TTLL11: variants seen among roughly 807,000 people sequenced by gnomAD.
TTLL11 encodes the protein tubulin polyglutamylase TTLL11.
Under a neutral mutation model 51.7 loss-of-function variants are expected in TTLL11, and 42 were observed. The ratio of observed to expected loss-of-function variants is 0.81; its 90% CI spans 0.64 to 1.05. The LOEUF (loss-of-function observed/expected upper bound fraction) is 1.05, where lower values mean the gene tolerates loss of function less well. Ranked by LOEUF, TTLL11 falls within the 50% of genes least tolerant of loss-of-function variation. TTLL11 has a pLI of 0.00. For synonymous variants in TTLL11, 381 were observed against 383.5 expected (o/e 0.99, Z 0.08); for missense variants, 799 against 940.4 (o/e 0.85, Z 1.97).
At chr9:121,886,710 G>A (rs1285132918) in intron 6 of TTLL11, among the ~76,000 whole-genome samples, 6 of 152,284 alleles carry the variant, frequency 3.9e-5, no homozygotes, top group South Asian at 4.1e-4. Context: ...GTCCAACCTA[G>A]GTACCCTTGG....
At chr9:121,921,808 G>C (rs964959634) in intron 6 of TTLL11, among the ~76,000 whole-genome samples, 2 of 152,192 alleles carry the variant, frequency 1.3e-5, no homozygotes, top group African/African-American at 4.8e-5. Context: ...GGGCTAGATA[G>C]AGGGAAGTAA....
rs556671826 is a variant in TTLL11 at position 121,989,627 on chromosome 9, C to T, written c.837G>A (p.Ala279=). 2.1e-5 allele frequency: 34 copies of T among 1,614,102 alleles called. No homozygotes were observed. In the Admixed American group the frequency reaches 2.3e-4, roughly 11 times the overall value. ...RLAGTLQSRP[A]VVQEYICKPL... ...GTTTGCAGATGTACTCCTGGACCAC[C>T]GCTGGCCTGCTCTGGAGGGTCCCTG... The change falls in exon 4 of 9, where the codon GCG becomes GCA. Residue 279 remains alanine, a synonymous_variant. Coordinates refer to ENST00000321582, the MANE Select transcript of TTLL11 (RefSeq NM_001139442.2). This position sits in a 1 kb window ranked among gnomAD's most constrained non-coding sequence, Gnocchi z 4.2.
chr9:121,924,827 C>T (rs1055209156), intron 6 of TTLL11, among the ~76,000 whole-genome samples: 5 of 150,256 alleles, frequency 3.3e-5, no homozygotes, highest in Admixed American at 6.6e-5. Flanking sequence ...ATCTAAAATT[C>T]GTTCTGGAGA....
chr9:121,929,544 CCATGA>C (rs1450331351), intron 6 of TTLL11, among the ~76,000 whole-genome samples: 1 of 152,130 alleles, frequency 6.6e-6, no homozygotes, highest in African/African-American at 2.4e-5. Flanking sequence ...GGAAGGGTGG[CCATGA>C]CATTAAAATT....
At chr9:121,851,511 C>T (rs1837662845) in intron 8 of TTLL11, among the ~76,000 whole-genome samples, 1 of 152,172 alleles carries the variant, frequency 6.6e-6, no homozygotes, top group African/African-American at 2.4e-5. Context: ...TTAAAAAAGG[C>T]TTTTACAGCA....
intron 5 of TTLL11, 108 bp downstream of exon 5, chr9:121,974,776 C>G (rs1842657556): frequency 8.1e-6 from 7 of 861,576 alleles, no homozygotes; most frequent in Middle Eastern, 2.3e-4. Context: ...CAGAATTTGG[C>G]TATGAAAATC....
rs1198976419 is a variant in TTLL11, at chr9:121,820,317, G to C, written c.*2270C>G. ...GACCAACTTCAAGAAATGGTGTCAC[G>C]TGAGAGCTTTGTTAAGACTTCTGGT... is the stretch of plus-strand genomic sequence containing the variant. On this transcript the variant is annotated 3_prime_UTR_variant, in exon 9 of 9. Transcript: ENST00000321582. Among the ~76,000 whole-genome samples, 2 of 152,230 alleles carry C rather than the reference G, an allele frequency of 1.3e-5. No homozygotes were observed. The highest frequency in any genetic ancestry group is 1.3e-4 in the Admixed American group (2 of 15,284).
intron 6 of TTLL11, among the ~76,000 whole-genome samples, chr9:121,876,026 T>C (rs56935109): frequency 0.023 from 3,570 of 152,356 alleles, 126 homozygotes; most frequent in African/African-American, 0.08. Flanking sequence ...TTGCTTCATT[T>C]GTTTCTCATA....
chr9:121,924,162 A>G (rs1006398893), intron 6 of TTLL11, among the ~76,000 whole-genome samples: 4 of 152,326 alleles, frequency 2.6e-5, no homozygotes, highest in Admixed American at 6.5e-5. Context: ...ACGGACTAAT[A>G]TAAGAAGTAA....
Position 121,957,271 on chromosome 9 carries a change from C to T in TTLL11, c.1481+16738G>A, listed in dbSNP as rs147806179. 3.3e-4 allele frequency among the ~76,000 whole-genome samples: 50 copies of T among 152,240 alleles called. 1 individual carries two copies. Among genetic ancestry groups the T allele is most frequent in the African/African-American group, 1.2e-3 (50 of 41,558 alleles). Reference sequence around the variant, plus strand: ...CCAGAAACAGCCTGCCCATAAAGGCCCTCCACCACCATGGGAGGAAGAACC... The same window carrying T: ...CCAGAAACAGCCTGCCCATAAAGGCTCTCCACCACCATGGGAGGAAGAACC... On this transcript the variant is annotated intron_variant, in intron 6 of 8. Transcript: ENST00000321582.
chr9:122,087,792 A>G (rs1000496850), intron 1 of TTLL11, among the ~76,000 whole-genome samples: 1 of 152,228 alleles, frequency 6.6e-6, no homozygotes, highest in Admixed American at 6.5e-5. Flanking sequence ...TGGGAAGAAG[A>G]CCATACAAAT....
chr9:121,870,084 T>C (rs959641096), intron 7 of TTLL11, among the ~76,000 whole-genome samples: 1 of 152,228 alleles, frequency 6.6e-6, no homozygotes, highest in African/African-American at 2.4e-5. Flanking sequence ...TTTTCCCTTC[T>C]GAAACTGACA....
intron 7 of TTLL11, among the ~76,000 whole-genome samples, chr9:121,865,270 T>C (rs762748325): frequency 2.6e-5 from 4 of 151,958 alleles, no homozygotes; most frequent in Non-Finnish European, 5.9e-5. Flanking sequence ...CAGCTACCCA[T>C]TACGAAGCAT....
intron 5 of TTLL11, 142 bp from the exon 6 acceptor site, chr9:121,974,266 T>C (rs373472838): frequency 6.2e-5 from 32 of 512,950 alleles, no homozygotes; most frequent in East Asian, 1.6e-4. Flanking sequence ...TCCTTTATAC[T>C]ACCTTAAGAA....
intron 8 of TTLL11, among the ~76,000 whole-genome samples, chr9:121,828,442 T>C (rs528503160): frequency 7.2e-4 from 109 of 152,314 alleles, no homozygotes; most frequent in Non-Finnish European, 8.5e-4. Flanking sequence ...CCCAAAGTGC[T>C]GGTATTACAG....
intron 8 of TTLL11, among the ~76,000 whole-genome samples, chr9:121,834,402 T>C (rs76277715): frequency 0.027 from 4,130 of 151,944 alleles, 128 homozygotes; most frequent in African/African-American, 0.07. Flanking sequence ...TCCCACTTAC[T>C]GCCTGTCAAG....
chr9:121,896,654 C>T (rs1839536434), intron 6 of TTLL11, among the ~76,000 whole-genome samples: 1 of 152,186 alleles, frequency 6.6e-6, no homozygotes, highest in Admixed American at 6.5e-5. Flanking sequence ...CTGCAGGTGC[C>T]TGAACTTCAG....
At chr9:122,017,549 G>A (rs1207632946) in intron 3 of TTLL11, among the ~76,000 whole-genome samples, 1 of 145,172 alleles carries the variant, frequency 6.9e-6, no homozygotes, top group Non-Finnish European at 1.5e-5. Flanking sequence ...TGCAACCTCC[G>A]TCTTCCTGTT....
chr9:121,954,928 T>C lies in TTLL11; in HGVS notation c.1481+19081A>G, dbSNP rs184066682. ...AGCATTTTTGCACAATAGCAGTCTC[T>C]AGAGATAAACAGACCACATGCAAGG... is the stretch of plus-strand genomic sequence containing the variant. On this transcript the variant is annotated intron_variant, in intron 6 of 8. Transcript: ENST00000321582. 2.6e-5 allele frequency among the ~76,000 whole-genome samples: 4 copies of C among 152,342 alleles called. No individual in the cohort carries two copies. In the East Asian group the frequency reaches 7.7e-4, roughly 29 times the overall value.
Sources: gnomAD v4.1 joint callset for allele counts (sites outside exome capture counted in the v4.1 genomes callset) on GRCh38, gnomAD v4.1.1 for gene constraint, Gnocchi (gnomAD v3.1) non-coding constraint, MANE v1.5 for transcripts, NCBI Gene and HGNC (gene_info 2026-07-23, HGNC 2026-07-21) for gene names.